LYRM4: variants seen among roughly 807,000 people sequenced by gnomAD.
LYRM4 encodes LYR motif-containing protein 4.
Under a neutral mutation model 11.7 loss-of-function variants are expected in LYRM4, and 9 were observed. That is an observed-to-expected ratio of 0.77 (90% CI 0.46 to 1.34). The LOEUF (loss-of-function observed/expected upper bound fraction) is 1.34. Among genes scored for constraint, LYRM4 ranks in the 40% most tolerant of loss-of-function variants. The pLI is 0.00. For synonymous variants in LYRM4, 42 were observed against 40.4 expected, an observed-to-expected ratio of 1.04 and a Z score of -0.15; for missense variants, 133 against 112.5, an observed-to-expected ratio of 1.18 and a Z score of -0.82.
chr6:5,090,013 A>AACACAC, the LYRM4 span, among the ~76,000 whole-genome samples: 1 of 36,602 alleles, frequency 2.7e-5, no homozygotes, highest in Non-Finnish European at 5.1e-5. The surrounding 1 kb of genome is among the most constrained non-coding windows in gnomAD (Gnocchi z 4.8). Flanking sequence ...TCCTGAAAGG[A>AACACAC]AGACACACAC....
chr6:5,217,960 G>A (rs912659699), intron 1 of LYRM4, among the ~76,000 whole-genome samples: 2 of 151,938 alleles, frequency 1.3e-5, no homozygotes, highest in African/African-American at 4.8e-5. Context: ...CTGTTGCCCA[G>A]GCAGTGTCAT....
chr6:5,122,858 C>T (rs1399978455), intron 2 of LYRM4, among the ~76,000 whole-genome samples: 2 of 152,226 alleles, frequency 1.3e-5, no homozygotes, highest in Non-Finnish European at 2.9e-5. Flanking sequence ...CATCCTTCCA[C>T]GTTGGCACGC....
chr6:5,135,903 C>CT (rs769536355), intron 2 of LYRM4, among the ~76,000 whole-genome samples: 2 of 152,212 alleles, frequency 1.3e-5, no homozygotes, highest in African/African-American at 4.8e-5. Flanking sequence ...CCATTAAACA[C>CT]TAACTCTCCA....
chr6:5,138,354 C>T (rs1757208982), intron 2 of LYRM4, among the ~76,000 whole-genome samples: 1 of 151,794 alleles, frequency 6.6e-6, no homozygotes, highest in South Asian at 2.1e-4. Context: ...CATGGTGGCA[C>T]ACGCCTGTAG....
chr6:5,064,909 T>TAC, the LYRM4 span, among the ~76,000 whole-genome samples: 3 of 152,156 alleles, frequency 2.0e-5, no homozygotes, highest in African/African-American at 2.4e-5. Context: ...GTCCATAGTT[T>TAC]ACATCAAGGC....
At chr6:5,258,219 T>C (rs1056112424) in intron 1 of LYRM4, among the ~76,000 whole-genome samples, 1 of 152,216 alleles carries the variant, frequency 6.6e-6, no homozygotes, top group Admixed American at 6.5e-5. Context: ...AAACGTGGCC[T>C]ATATTATAGG....
chr6:5,173,652 T>C (rs1759552724), intron 2 of LYRM4, among the ~76,000 whole-genome samples: 2 of 152,244 alleles, frequency 1.3e-5, no homozygotes, highest in Admixed American at 1.3e-4. Context: ...ATATTTCATA[T>C]TTTCAACTTT....
the LYRM4 span, among the ~76,000 whole-genome samples, chr6:5,059,956 A>G: frequency 6.6e-6 from 1 of 152,176 alleles, no homozygotes; most frequent in Admixed American, 6.5e-5. Flanking sequence ...ATGAGACATG[A>G]CACCTGGCTT....
At chr6:5,094,683 A>C in the LYRM4 span, among the ~76,000 whole-genome samples, 1 of 152,164 alleles carries the variant, frequency 6.6e-6, no homozygotes, top group African/African-American at 2.4e-5. Flanking sequence ...GTGGCTTGAA[A>C]ATGTCTGTTC....
chr6:5,122,383 G>C (rs966058001), intron 2 of LYRM4, among the ~76,000 whole-genome samples: 3 of 152,218 alleles, frequency 2.0e-5, no homozygotes, highest in African/African-American at 7.2e-5. Context: ...AGCAGAACCA[G>C]AGTCAAGGGT....
chr6:5,218,147 T>C (rs1417038156), intron 1 of LYRM4: 3 of 698,368 alleles, frequency 4.3e-6, no homozygotes, highest in African/African-American at 1.9e-5. Context: ...GCTCAAGCTA[T>C]CCTCCTGCCT....
At chr6:5,200,933 C>T (rs1378984268) in intron 2 of LYRM4, among the ~76,000 whole-genome samples, 2 of 152,126 alleles carry the variant, frequency 1.3e-5, no homozygotes, top group African/African-American at 4.8e-5. Flanking sequence ...TTTTGTTCAC[C>T]CAGTAATACC....
chr6:5,200,017 G>T (rs1344608973), intron 2 of LYRM4, among the ~76,000 whole-genome samples: 1 of 152,136 alleles, frequency 6.6e-6, no homozygotes, highest in African/African-American at 2.4e-5. Flanking sequence ...TGTCTTTCTT[G>T]GTATATAGGT....
chr6:5,116,768 C>A (rs564286152), intron 2 of LYRM4, among the ~76,000 whole-genome samples: 1 of 152,200 alleles, frequency 6.6e-6, no homozygotes, highest in Admixed American at 6.5e-5. Flanking sequence ...CTGCCAGTAG[C>A]TGGGGATGAC....
At chr6:5,071,634 GTA>G in the LYRM4 span, among the ~76,000 whole-genome samples, 11 of 151,920 alleles carry the variant, frequency 7.2e-5, no homozygotes, top group South Asian at 6.3e-4. Context: ...ATATATATGT[GTA>G]TGTGTGTGTG....
chr6:5,114,968 C>T (rs1348742582), intron 2 of LYRM4, among the ~76,000 whole-genome samples: 1 of 152,162 alleles, frequency 6.6e-6, no homozygotes, highest in African/African-American at 2.4e-5. Flanking sequence ...TGTATATATA[C>T]ACAATATTTA....
intron 1 of LYRM4, among the ~76,000 whole-genome samples, chr6:5,221,465 C>A (rs189980241): frequency 6.6e-6 from 1 of 152,124 alleles, no homozygotes; most frequent in African/African-American, 2.4e-5. Flanking sequence ...GAGGCCAAGG[C>A]GGGCGGATCA....
At chr6:5,236,724 G>A (rs952666810) in intron 1 of LYRM4, among the ~76,000 whole-genome samples, 6 of 151,628 alleles carry the variant, frequency 4.0e-5, no homozygotes, top group Non-Finnish European at 8.8e-5. Context: ...AAGGCGGGAG[G>A]ATTGCTTGAG....
At chr6:5,175,279 C>T (rs1166060066) in intron 2 of LYRM4, among the ~76,000 whole-genome samples, 3 of 152,206 alleles carry the variant, frequency 2.0e-5, no homozygotes, top group African/African-American at 4.8e-5. Flanking sequence ...TCTAATTTCA[C>T]ATTAAAATGG....
Sources: gnomAD v4.1 joint callset for allele counts (sites outside exome capture counted in the v4.1 genomes callset) on GRCh38, gnomAD v4.1.1 for gene constraint, Gnocchi (gnomAD v3.1) non-coding constraint, MANE v1.5 for transcripts, NCBI Gene and HGNC (gene_info 2026-07-23, HGNC 2026-07-21) for gene names.